The following ME1 variants were observed in gnomAD, a reference collection of about 807,000 sequenced individuals.
ME1 encodes the protein malic enzyme 1.
A neutral mutation model predicts 66.4 loss-of-function variants in ME1; 74 were observed. The observed-to-expected ratio is 1.11, with a 90% CI of 0.92 to 1.35. ME1 has a LOEUF of 1.35. Among genes scored for constraint, ME1 ranks in the 40% most tolerant of loss-of-function variants. ME1 has a pLI of 0.00. For synonymous variants in ME1, 251 were observed against 235.6 expected, an observed-to-expected ratio of 1.07 and a Z score of -0.60; for missense variants, 750 against 694.1, an observed-to-expected ratio of 1.08 and a Z score of -0.90.
At position 83,405,244 on chromosome 6, in the gene ME1, G is replaced by A. The variant is rs530900962; in HGVS notation, c.212+2524C>T. ...CACATCCCTTGTTAGTTGTATTCCCGGGTATTTTATTCTCTTTGTAGCAAT... is the reference window on the plus strand; with the variant it reads ...CACATCCCTTGTTAGTTGTATTCCCAGGTATTTTATTCTCTTTGTAGCAAT... On this transcript the variant is annotated intron_variant, in intron 2 of 13. Coordinates refer to ENST00000369705, the MANE Select transcript of ME1 (RefSeq NM_002395.6). Among the ~76,000 whole-genome samples the A allele has an allele frequency of 1.1e-3, 161 of 152,034 alleles. 4 individuals carry two copies. In the South Asian group the frequency reaches 0.032, roughly 30 times the overall value.
chr6:83,287,319 A>G (rs1767414118), intron 6 of ME1, among the ~76,000 whole-genome samples: 1 of 152,064 alleles, frequency 6.6e-6, no homozygotes, highest in African/African-American at 2.4e-5. Context: ...CACACCCACC[A>G]CAGGTCCCGG....
chr6:83,334,204 C>T (rs980416392), intron 5 of ME1, among the ~76,000 whole-genome samples: 2 of 150,220 alleles, frequency 1.3e-5, no homozygotes, highest in South Asian at 2.1e-4. Context: ...AAAGGGGTGA[C>T]GGACGCACCT....
At chr6:83,225,923 C>G (rs1163572485) in intron 11 of ME1, among the ~76,000 whole-genome samples, 3 of 151,146 alleles carry the variant, frequency 2.0e-5, no homozygotes. Context: ...AATGACAGTA[C>G]TGTAGCTAGC....
intron 3 of ME1, among the ~76,000 whole-genome samples, chr6:83,397,319 C>A (rs1184648200): frequency 6.6e-6 from 1 of 151,958 alleles, no homozygotes; most frequent in African/African-American, 2.4e-5. Flanking sequence ...AGCAAAATAC[C>A]AGAATACACA....
intron 1 of ME1, among the ~76,000 whole-genome samples, chr6:83,419,129 A>AAG (rs10624929): frequency 0.36 from 55,264 of 151,822 alleles, 10,526 homozygotes; most frequent in Middle Eastern, 0.48. Flanking sequence ...ACATTATCCT[A>AAG]AGTATGGGAA....
intron 6 of ME1, among the ~76,000 whole-genome samples, chr6:83,275,764 C>A (rs1163236189): frequency 2.6e-5 from 1 of 38,052 alleles, no homozygotes; most frequent in Admixed American, 4.7e-4. Context: ...GGCGCCCGGC[C>A]TTTTTTTTTT....
intron 3 of ME1, among the ~76,000 whole-genome samples, chr6:83,378,848 G>T (rs1769342646): frequency 1.3e-5 from 2 of 152,006 alleles, no homozygotes; most frequent in African/African-American, 4.8e-5. Context: ...ATAGTCATTA[G>T]TGGTTTTCTC....
At chr6:83,408,956 G>A (rs775676964) in intron 1 of ME1, among the ~76,000 whole-genome samples, 38 of 152,160 alleles carry the variant, frequency 2.5e-4, no homozygotes, top group Non-Finnish European at 3.4e-4. Flanking sequence ...CCCCCAAGGC[G>A]ATGGCATAGG....
At chr6:83,283,227 C>CAAAAAAAAAAAAAAAAAAAA (rs71545854) in intron 6 of ME1, among the ~76,000 whole-genome samples, 19 of 28,886 alleles carry the variant, frequency 6.6e-4, no homozygotes, top group South Asian at 9.8e-4. Flanking sequence ...GACTCCGTCT[C>CAAAAAAAAAAAAAAAAAAAA]AAAAAAAAAA....
intron 6 of ME1, among the ~76,000 whole-genome samples, chr6:83,280,150 G>T (rs762728718): frequency 4.6e-5 from 7 of 151,970 alleles, no homozygotes; most frequent in Non-Finnish European, 4.4e-5. Flanking sequence ...GAATTATGTC[G>T]GATATTAGAT....
chr6:83,247,844 T>A (rs539632727), intron 7 of ME1, among the ~76,000 whole-genome samples: 1 of 152,336 alleles, frequency 6.6e-6, no homozygotes, highest in Non-Finnish European at 1.5e-5. Flanking sequence ...GACATATTTT[T>A]CTCAAACCTA....
At chr6:83,240,294 T>C (rs1790488037) in intron 7 of ME1, among the ~76,000 whole-genome samples, 1 of 152,118 alleles carries the variant, frequency 6.6e-6, no homozygotes, top group Admixed American at 6.6e-5. Flanking sequence ...TGGAATTTAA[T>C]GTTAATGGCA....
At chr6:83,376,497 A>C (rs1405616310) in intron 3 of ME1, among the ~76,000 whole-genome samples, 2 of 151,090 alleles carry the variant, frequency 1.3e-5, no homozygotes, top group African/African-American at 4.9e-5. Flanking sequence ...CTCTGTCAAA[A>C]AAAAAAAAAA....
chr6:83,296,382 T>G (rs1767598942), intron 6 of ME1, among the ~76,000 whole-genome samples: 1 of 152,204 alleles, frequency 6.6e-6, no homozygotes, highest in Non-Finnish European at 1.5e-5. Flanking sequence ...CATCAATAAA[T>G]GTGATTCATC....
chr6:83,383,251 T>TTTGA (rs1769443181), intron 3 of ME1, among the ~76,000 whole-genome samples: 1 of 151,920 alleles, frequency 6.6e-6, no homozygotes, highest in Admixed American at 6.6e-5. Flanking sequence ...ACTCTGGCAC[T>TTTGA]TACTATCTGG....
At chr6:83,260,067 A>C (rs1766856370) in intron 6 of ME1, among the ~76,000 whole-genome samples, 1 of 152,138 alleles carries the variant, frequency 6.6e-6, no homozygotes, top group African/African-American at 2.4e-5. Context: ...TTTCTTTTAG[A>C]ATGAGAGATA....
At chr6:83,333,718 C>A (rs1466573316) in intron 5 of ME1, among the ~76,000 whole-genome samples, 1 of 152,138 alleles carries the variant, frequency 6.6e-6, no homozygotes, top group Non-Finnish European at 1.5e-5. Context: ...TTATCCTGAA[C>A]AGCACTGTAT....
In ME1 at chr6:83,212,083, A is replaced by G. The variant is rs980298241; in HGVS notation, c.1560T>C (p.Asp520=). 7.5e-6 allele frequency: 12 copies of G among 1,603,574 alleles called. No individual in the cohort carries two copies. Among genetic ancestry groups the G allele is most frequent in the Non-Finnish European group, 1.0e-5 (12 of 1,173,228 alleles). ...SLKIAEKIVK[D]AYQEKTATVY... is the part of the protein sequence containing the mutation. ...CTGTGGCTGTCTTTTCTTGGTATGC[A>G]TCTTTCACAATCTAGATATAAGAAA... The change falls in exon 14 of 14, where the codon GAT becomes GAC. Residue 520 remains aspartate (D), a synonymous_variant. Coordinates refer to ENST00000369705, the MANE Select transcript of ME1 (RefSeq NM_002395.6).
At chr6:83,399,177 TAGTAGAGAC>T (rs1769798397) in intron 2 of ME1, among the ~76,000 whole-genome samples, 1 of 151,458 alleles carries the variant, frequency 6.6e-6, no homozygotes, top group African/African-American at 2.4e-5. Flanking sequence ...TTTGTATTTT[TAGTAGAGAC>T]AGTTTCACCA....
Sources: allele counts gnomAD v4.1 joint callset (sites outside exome capture counted in the v4.1 genomes callset), GRCh38; gene constraint gnomAD v4.1.1; transcripts MANE v1.5; gene names NCBI Gene and HGNC (gene_info 2026-07-23, HGNC 2026-07-21).